The following SLC25A13 variants were observed in gnomAD, a reference collection of about 807,000 sequenced individuals.
The protein encoded by SLC25A13 is electrogenic aspartate/glutamate antiporter SLC25A13, mitochondrial.
Under a neutral mutation model 85.5 loss-of-function variants are expected in SLC25A13, and 70 were observed. The observed-to-expected ratio is 0.82, with a 90% confidence interval of 0.68 to 1.00. SLC25A13 has a LOEUF of 1.00. Among genes scored for constraint, SLC25A13 ranks in the 50% least tolerant of loss-of-function variants. SLC25A13 has a pLI of 0.00. For missense variants in SLC25A13, 765 were observed against 819.8 expected (o/e 0.93, Z 0.82); for synonymous variants, 259 against 288.7 (o/e 0.90, Z 1.04).
At chr7:96,272,986 C>G (rs772482348) in intron 3 of SLC25A13, among the ~76,000 whole-genome samples, 27 of 152,178 alleles carry the variant, frequency 1.8e-4, no homozygotes, top group Admixed American at 4.6e-4. Context: ...ATTATCTACT[C>G]ATATAACAAC....
At position 96,314,263 on chromosome 7, in the gene SLC25A13, G is replaced by A. The variant is rs572413339; in HGVS notation, c.15+7679C>T. On this transcript the variant is annotated intron_variant, in intron 1 of 17. Transcript: ENST00000265631. ...CATCATGAAAGCAGATGGCGAGAAAGAAAGGGTAGGACACAGGGTCATGTG... is the reference window on the plus strand; with the variant it reads ...CATCATGAAAGCAGATGGCGAGAAAAAAAGGGTAGGACACAGGGTCATGTG... Among the ~76,000 whole-genome samples the A allele has an allele frequency of 3.9e-5, 6 of 152,200 alleles. No homozygotes were observed. The South Asian group carries it at 1.2e-3, about 32-fold the overall frequency.
Position 96,296,919 on chromosome 7 carries a change from C to T in SLC25A13, c.48G>A (p.Glu16=). 2 of 1,613,620 alleles carry T rather than the reference C, an allele frequency of 1.2e-6. No homozygotes were observed. Among genetic ancestry groups the T allele is most frequent in the Non-Finnish European group, 1.7e-6 (2 of 1,179,670 alleles). ...TGACCTTCAAAAATATTGTTCTAAG[C>T]TCAGCTGGATCTGCTCTCTTGGTTA... ...VALTKRADPA[E]LRTIFLKYAS... is the part of the protein sequence containing the mutation. The change falls in exon 2 of 18, where the codon GAG becomes GAA. Residue 16 remains glutamate, a synonymous_variant. Transcript: ENST00000265631.
intron 3 of SLC25A13, among the ~76,000 whole-genome samples, chr7:96,246,030 T>C (rs1036581628): frequency 6.6e-6 from 1 of 152,242 alleles, no homozygotes; most frequent in African/African-American, 2.4e-5. Flanking sequence ...TGTCAGCGTA[T>C]ACTGGCCTAC....
intron 11 of SLC25A13, among the ~76,000 whole-genome samples, chr7:96,172,342 G>C (rs1381868067): frequency 6.6e-6 from 1 of 152,132 alleles, no homozygotes; most frequent in Non-Finnish European, 1.5e-5. Flanking sequence ...TGGATCATCT[G>C]AGGTCAGGAG....
At chr7:96,163,547 T>G (rs1372549409) in intron 13 of SLC25A13, among the ~76,000 whole-genome samples, 1 of 152,196 alleles carries the variant, frequency 6.6e-6, no homozygotes, top group African/African-American at 2.4e-5. Flanking sequence ...ATTTTCAGAT[T>G]ATTTGTTATG....
At chr7:96,203,373 CAGAT>C (rs1795333746) in intron 5 of SLC25A13, among the ~76,000 whole-genome samples, 2 of 152,130 alleles carry the variant, frequency 1.3e-5, no homozygotes. Flanking sequence ...ATACGCATCT[CAGAT>C]AATTTTTACA....
intron 13 of SLC25A13, among the ~76,000 whole-genome samples, chr7:96,148,818 T>C (rs1029794908): frequency 1.3e-5 from 2 of 152,154 alleles, no homozygotes; most frequent in African/African-American, 4.8e-5. Context: ...AAGGAGGCAG[T>C]TGAGTGTCCC....
chr7:96,191,279 A>G, intron 6 of SLC25A13, 32 bp from the exon 7 acceptor site: 1 of 1,610,792 alleles, frequency 6.2e-7, no homozygotes, highest in South Asian at 1.1e-5. Context: ...AGAGAAGAAA[A>G]ATATACAAAA....
chr7:96,128,875 C>T (rs143842631), intron 15 of SLC25A13, among the ~76,000 whole-genome samples: 5 of 150,660 alleles, frequency 3.3e-5, no homozygotes, highest in South Asian at 2.1e-4. Flanking sequence ...GTGACATTCA[C>T]GCCTCTGCTT....
intron 2 of SLC25A13, among the ~76,000 whole-genome samples, chr7:96,278,466 A>T (rs1198324485): frequency 1.3e-5 from 2 of 152,212 alleles, no homozygotes; most frequent in African/African-American, 4.8e-5. Flanking sequence ...TCAGATACTC[A>T]GTAGTAATAT....
At chr7:96,163,311 A>G (rs1342818208) in intron 13 of SLC25A13, among the ~76,000 whole-genome samples, 1 of 152,120 alleles carries the variant, frequency 6.6e-6, no homozygotes, top group Non-Finnish European at 1.5e-5. Flanking sequence ...ACCAAGCTAC[A>G]CAGAGAAGTC....
chr7:96,247,758 GTGT>G (rs1214926611), intron 3 of SLC25A13, among the ~76,000 whole-genome samples: 5 of 152,018 alleles, frequency 3.3e-5, no homozygotes, highest in South Asian at 2.1e-4. Flanking sequence ...AGTGTACAAT[GTGT>G]TATTTTTATA....
At chr7:96,216,105 G>A (rs531531289) in intron 4 of SLC25A13, among the ~76,000 whole-genome samples, 5 of 151,466 alleles carry the variant, frequency 3.3e-5, no homozygotes, top group Admixed American at 2.0e-4. Context: ...GCAGTGAGCC[G>A]AGATCATGCC....
chr7:96,197,744 T>C (rs1795114030), intron 5 of SLC25A13, among the ~76,000 whole-genome samples: 1 of 152,180 alleles, frequency 6.6e-6, no homozygotes, highest in African/African-American at 2.4e-5. Context: ...TACAAAATAG[T>C]ATTTATTTCT....
intron 13 of SLC25A13, among the ~76,000 whole-genome samples, chr7:96,168,257 C>G (rs554133138): frequency 6.6e-6 from 1 of 152,008 alleles, no homozygotes; most frequent in East Asian, 1.9e-4. Context: ...ACTCTTACTT[C>G]TTAAAGTAAT....
At chr7:96,162,286 A>G (rs1272307365) in intron 13 of SLC25A13, among the ~76,000 whole-genome samples, 4 of 152,218 alleles carry the variant, frequency 2.6e-5, no homozygotes, top group Non-Finnish European at 4.4e-5. Context: ...GTGAGTATGA[A>G]ATCTTAAGGG....
intron 1 of SLC25A13, chr7:96,306,678 T>A: frequency 1.3e-6 from 1 of 745,182 alleles, no homozygotes; most frequent in African/African-American, 1.8e-5. Context: ...TCTCCTAGGA[T>A]GGGAGTACAG....
intron 14 of SLC25A13, among the ~76,000 whole-genome samples, chr7:96,135,779 G>A (rs1792259765): frequency 6.7e-6 from 1 of 149,972 alleles, no homozygotes; most frequent in South Asian, 2.1e-4. Flanking sequence ...GAATTAATAA[G>A]TTACAAAGGT....
At chr7:96,203,982 T>C (rs1795363940) in intron 5 of SLC25A13, among the ~76,000 whole-genome samples, 2 of 152,236 alleles carry the variant, frequency 1.3e-5, no homozygotes, top group African/African-American at 4.8e-5. Flanking sequence ...CATCGTATTC[T>C]TGAATTTGTC....
Sources: gnomAD v4.1 joint callset for allele counts (sites outside exome capture counted in the v4.1 genomes callset) on GRCh38, gnomAD v4.1.1 for gene constraint, MANE v1.5 for transcripts, NCBI Gene and HGNC (gene_info 2026-07-23, HGNC 2026-07-21) for gene names.